The following AP3B2 variants were observed in gnomAD, a reference collection of about 807,000 sequenced individuals.
The protein encoded by AP3B2 is adaptor related protein complex 3 subunit beta 2.
In AP3B2, 50 loss-of-function variants were observed where a neutral mutation model predicts 126.9. That is an observed-to-expected ratio of 0.39 (90% CI 0.31 to 0.50). The LOEUF (loss-of-function observed/expected upper bound fraction) is 0.50. Ranked by LOEUF, AP3B2 falls within the 20% of genes least tolerant of loss-of-function variation. The pLI is 0.79. For missense variants in AP3B2, 1,177 were observed against 1,426.4 expected, an observed-to-expected ratio of 0.83 and a Z score of 2.82; for synonymous variants, 541 against 565.0, an observed-to-expected ratio of 0.96 and a Z score of 0.60.
Position 82,708,765 on chromosome 15 carries a change from A to C in AP3B2, c.113+829T>G, listed in dbSNP as rs2048834414. ...CCTGAAAGCCCTTTCCTCTGCCTGG[A>C]ACATACCTCACGCTCCTGTCTTCCT... On this transcript the variant is annotated intron_variant, in intron 1 of 26. Coordinates refer to ENST00000535359, the MANE Select transcript of AP3B2 (RefSeq NM_001278512.2). 2.0e-5 allele frequency: 3 copies of C among 152,524 alleles called. No homozygotes were observed. In the Admixed American group the frequency reaches 2.0e-4, roughly 10 times the overall value. The allele number at this position is 152,524 out of a possible 1,614,324, so 9.4% of individuals were successfully genotyped here.
chr15:82,665,718 T>A lies in AP3B2; in HGVS notation c.1853-143A>T. ...GGAGATGGATGTGTGCCCTAATGGC[T>A]CTTCCACCCTGACTGCACCTTTAGG... On this transcript the variant is annotated intron_variant, in intron 15 of 26. Coordinates refer to ENST00000535359, the MANE Select transcript of AP3B2 (RefSeq NM_001278512.2). The surrounding 1 kb of genome is among the most constrained non-coding windows in gnomAD (Gnocchi z 4.4). The A allele has an allele frequency of 1.5e-6, 1 of 645,170 alleles. No individual in the cohort carries two copies. Among genetic ancestry groups the A allele is most frequent in the Non-Finnish European group, 2.8e-6 (1 of 362,830 alleles). The allele number at this position is 645,170 out of a possible 1,614,324, so 40.0% of individuals were successfully genotyped here.
chr15:82,682,085 CT>C (rs2048349864), intron 4 of AP3B2, among the ~76,000 whole-genome samples: 1 of 124,736 alleles, frequency 8.0e-6, no homozygotes, highest in Non-Finnish European at 1.6e-5. Context: ...TGGAGTCTCG[CT>C]CTGTCGCCAG....
At chr15:82,678,203 G>A (rs1416547062) in intron 10 of AP3B2, 36 bp from the exon 11 acceptor site, 2 of 1,600,108 alleles carry the variant, frequency 1.2e-6, no homozygotes, top group Non-Finnish European at 8.6e-7. Context: ...AAATGGGTGG[G>A]TTGGCCAGTG....
chr15:82,662,297 C>A, intron 23 of AP3B2, 45 bp from the exon 24 acceptor site: 1 of 1,443,570 alleles, frequency 6.9e-7, no homozygotes. Flanking sequence ...GGGCCACCAT[C>A]ACCTGATAGG....
At chr15:82,701,897 C>A (rs2048724538) in intron 1 of AP3B2, among the ~76,000 whole-genome samples, 1 of 152,220 alleles carries the variant, frequency 6.6e-6, no homozygotes, top group South Asian at 2.1e-4. Context: ...TCTTCTTTGT[C>A]AACCAATGGT....
intron 15 of AP3B2, among the ~76,000 whole-genome samples, chr15:82,666,165 G>A (rs2048054349): frequency 6.6e-6 from 1 of 152,200 alleles, no homozygotes; most frequent in African/African-American, 2.4e-5. Flanking sequence ...TAGGTTCCTG[G>A]CTTCCACTCC....
chr15:82,663,086 T>TGTCCCTGCCCCAGCCCG, intron 22 of AP3B2, 41 bp downstream of exon 22: 1 of 1,541,546 alleles, frequency 6.5e-7, no homozygotes, highest in Non-Finnish European at 8.9e-7. Context: ...CACAGGGATG[T>TGTCCCTGCCCCAGCCCG]GTCCCTGCCC....
rs546998483 is a variant in AP3B2 at position 82,681,935 on chromosome 15, C to G, written c.361-355G>C. 6.6e-6 allele frequency among the ~76,000 whole-genome samples: 1 copy of G among 152,098 alleles called. No individual in the cohort carries two copies. The highest frequency in any genetic ancestry group is 1.9e-4 in the East Asian group (1 of 5,188). Reference sequence around the variant, plus strand: ...GCCTGAGGTGACCGCCCAGCAGATGCAAGCTGGTCTCCCTTCCGGAGTTCA... The same window carrying G: ...GCCTGAGGTGACCGCCCAGCAGATGGAAGCTGGTCTCCCTTCCGGAGTTCA... On this transcript the variant is annotated intron_variant, in intron 4 of 26. Coordinates refer to ENST00000535359, the MANE Select transcript of AP3B2 (RefSeq NM_001278512.2). This position sits in a 1 kb window ranked among gnomAD's most constrained non-coding sequence, Gnocchi z 4.0.
chr15:82,680,307 C>T lies in AP3B2; in HGVS notation c.1056-78G>A, dbSNP rs1351311322. ...CAGCGGATGAGGGGAAAAGGTGGGG[C>T]AAGTCGTTGCGGGGAGAGGACCAGT... is the stretch of plus-strand genomic sequence containing the variant. On this transcript the variant is annotated intron_variant, in intron 8 of 26. Transcript: ENST00000535359. This position sits in a 1 kb window ranked among gnomAD's most constrained non-coding sequence, Gnocchi z 6.1. 2 of 1,597,304 alleles carry T rather than the reference C, an allele frequency of 1.3e-6. No individual in the cohort carries two copies. Among genetic ancestry groups the T allele is most frequent in the Non-Finnish European group, 1.7e-6 (2 of 1,171,136 alleles).
chr15:82,694,599 C>T (rs528733624), intron 1 of AP3B2, among the ~76,000 whole-genome samples: 1 of 151,690 alleles, frequency 6.6e-6, no homozygotes, highest in African/African-American at 2.4e-5. Context: ...GTGGGAGGAT[C>T]GCTTGCACCA....
At chr15:82,675,875 G>A (rs569662983) in intron 14 of AP3B2, among the ~76,000 whole-genome samples, 50 of 152,278 alleles carry the variant, frequency 3.3e-4, no homozygotes, top group African/African-American at 1.2e-3. Flanking sequence ...TTCATTTTAG[G>A]AGAATCTCCT....
intron 14 of AP3B2, among the ~76,000 whole-genome samples, chr15:82,675,634 T>C (rs2048230801): frequency 6.6e-6 from 1 of 152,198 alleles, no homozygotes; most frequent in South Asian, 2.1e-4. Flanking sequence ...ATACAGTCTG[T>C]TGCAACTAGT....
chr15:82,680,438 C>A lies in AP3B2; in HGVS notation c.1055+34G>T. 1.7e-6 allele frequency: 2 copies of A among 1,171,844 alleles called. No homozygotes were observed. Among genetic ancestry groups the A allele is most frequent in the Non-Finnish European group, 1.1e-6 (1 of 936,232 alleles). 72.6% of individuals were successfully genotyped at this position (1,171,844 alleles called of 1,614,324 possible). A position where few individuals can be genotyped will look rare whatever the true frequency, so the allele number is the denominator to read the frequency against. ...GCAGCCCGTGGGGCGGGGCAGGAGG[C>A]GAGGGAGGGGGCGGGGCTGGGGGCG... On this transcript the variant is annotated intron_variant, in intron 8 of 26. Transcript: ENST00000535359. This position sits in a 1 kb window ranked among gnomAD's most constrained non-coding sequence, Gnocchi z 6.1.
At chr15:82,689,060 G>A (rs772734940) in intron 3 of AP3B2, 98 bp downstream of exon 3, 286 of 1,372,628 alleles carry the variant, frequency 2.1e-4, no homozygotes, top group Non-Finnish European at 2.6e-4. Context: ...TCAGCAGGTC[G>A]GGCCCCCAGG....
In AP3B2 at chr15:82,680,621, G is replaced by A; in HGVS notation, c.906C>T (p.His302=). The change falls in exon 8 of 27, where the codon CAC becomes CAT. Residue 302 remains histidine (H), a synonymous_variant. Transcript: ENST00000535359. The surrounding 1 kb of genome is among the most constrained non-coding windows in gnomAD (Gnocchi z 6.1). ...SRKPYVMDPD[H]RLLLRNTKPL... ...GTTTGGTGTTGCGCAGCAGCAGCCG[G>A]TGGTCGGGGTCCATGACATAGGGCT... is the stretch of plus-strand genomic sequence containing the variant. 3.8e-6 allele frequency: 6 copies of A among 1,596,464 alleles called. No homozygotes were observed. The highest frequency in any genetic ancestry group is 5.1e-6 in the Non-Finnish European group (6 of 1,177,240).
chr15:82,664,477 C>T lies in AP3B2; in HGVS notation c.2151G>A (p.Glu717=). The T allele has an allele frequency of 1.2e-6, 2 of 1,613,542 alleles. No individual in the cohort carries two copies. The highest frequency in any genetic ancestry group is 1.1e-5 in the South Asian group (1 of 91,000). Residue 717 remains glutamate, a synonymous_variant, in exon 19 of 27, where the codon GAG becomes GAA. Coordinates refer to ENST00000535359, the MANE Select transcript of AP3B2 (RefSeq NM_001278512.2). The surrounding 1 kb of genome is among the most constrained non-coding windows in gnomAD (Gnocchi z 4.5). ...TESADSDPES[E]SESDSKSSSE... is the part of the protein sequence containing the mutation. ...TGCTGCTCTTACTGTCCGATTCACT[C>T]TCAGACTCAGGGTCTGTGGAGGAAC... is the stretch of plus-strand genomic sequence containing the variant.
intron 21 of AP3B2, 89 bp from the exon 22 acceptor site, chr15:82,663,322 G>A: frequency 8.8e-7 from 1 of 1,135,038 alleles, no homozygotes; most frequent in East Asian, 2.5e-5. Flanking sequence ...ACGCATTTCA[G>A]CACCATGGAC....
At chr15:82,702,275 T>C (rs1183941906) in intron 1 of AP3B2, among the ~76,000 whole-genome samples, 5 of 152,206 alleles carry the variant, frequency 3.3e-5, no homozygotes, top group Non-Finnish European at 5.9e-5. Flanking sequence ...GGGCTCAACA[T>C]TAATTTTCCA....
intron 4 of AP3B2, chr15:82,688,408 G>A (rs998667846): frequency 4.6e-5 from 32 of 702,122 alleles, no homozygotes; most frequent in Admixed American, 8.0e-5. Flanking sequence ...ACAAAGGGGG[G>A]TGAGGGTTGA....
Sources: allele counts gnomAD v4.1 joint callset (sites outside exome capture counted in the v4.1 genomes callset), GRCh38; gene constraint gnomAD v4.1.1; non-coding constraint Gnocchi (gnomAD v3.1); transcripts MANE v1.5; gene names NCBI Gene and HGNC (gene_info 2026-07-23, HGNC 2026-07-21).